Variants in RYR2 observed in about 807,000 individuals in gnomAD.
RYR2 encodes cardiac muscle ryanodine receptor-calcium release channel.
RYR2 carries 227 observed loss-of-function variants against 601.1 expected under a neutral mutation model. The observed-to-expected ratio is 0.38, with a 90% CI of 0.34 to 0.42. The LOEUF (loss-of-function observed/expected upper bound fraction) is 0.42, where lower values mean the gene tolerates loss of function less well. RYR2 is among the 10% of genes least tolerant of loss of function. The pLI is 1.00. For missense variants in RYR2, 4,646 were observed against 6,156.5 expected, an observed-to-expected ratio of 0.75 and a Z score of 8.21; for synonymous variants, 2,223 against 2,175.1, an observed-to-expected ratio of 1.02 and a Z score of -0.61.
intron 17 of RYR2, 60 bp from the exon 18 acceptor site, chr1:237,491,746 T>C (rs1663367059): frequency 1.3e-6 from 1 of 781,034 alleles, no homozygotes; most frequent in Non-Finnish European, 2.2e-6. Context: ...AGGAAGACAC[T>C]GGTCATTGTA....
intron 10 of RYR2, among the ~76,000 whole-genome samples, chr1:237,399,607 C>G (rs771072857): frequency 6.6e-6 from 1 of 152,214 alleles, no homozygotes; most frequent in Admixed American, 6.5e-5. Flanking sequence ...CAATCAAGTT[C>G]GCAAGTGCAC....
At chr1:237,199,571 G>A (rs1352583708) in intron 1 of RYR2, among the ~76,000 whole-genome samples, 1 of 152,192 alleles carries the variant, frequency 6.6e-6, no homozygotes, top group African/African-American at 2.4e-5. Flanking sequence ...CACCCGGATT[G>A]AGGATGGGTC....
chr1:237,252,405 T>G (rs1186959355), intron 1 of RYR2, among the ~76,000 whole-genome samples: 1 of 151,924 alleles, frequency 6.6e-6, no homozygotes, highest in African/African-American at 2.4e-5. Context: ...ATCAGAGAGG[T>G]CATTTACGAC....
At chr1:237,515,634 C>CTT (rs1666347524) in intron 24 of RYR2, among the ~76,000 whole-genome samples, 1 of 135,204 alleles carries the variant, frequency 7.4e-6, no homozygotes, top group Non-Finnish European at 1.6e-5. Context: ...TCCCCTCCCT[C>CTT]CATCACCCAC....
chr1:237,713,349 A>G (rs1688992864), intron 71 of RYR2, among the ~76,000 whole-genome samples: 1 of 152,004 alleles, frequency 6.6e-6, no homozygotes, highest in South Asian at 2.1e-4. Context: ...AACATTTCTG[A>G]CCCACAAATT....
At chr1:237,358,684 G>C (rs1699512347) in intron 4 of RYR2, among the ~76,000 whole-genome samples, 1 of 151,894 alleles carries the variant, frequency 6.6e-6, no homozygotes, top group African/African-American at 2.4e-5. Flanking sequence ...GCCCCCATTT[G>C]CTTGTTGGCA....
intron 29 of RYR2, 98 bp downstream of exon 29, chr1:237,569,417 G>GAA: frequency 8.8e-7 from 1 of 1,130,672 alleles, no homozygotes; most frequent in Non-Finnish European, 1.3e-6. Flanking sequence ...CAGGGTGAGT[G>GAA]AGCAGATGAG....
At chr1:237,051,369 C>T (rs573827692) in intron 1 of RYR2, among the ~76,000 whole-genome samples, 28 of 144,430 alleles carry the variant, frequency 1.9e-4, no homozygotes, top group Admixed American at 1.5e-3. Flanking sequence ...CTTCTCTCCT[C>T]GGGGCTCATG....
intron 2 of RYR2, among the ~76,000 whole-genome samples, chr1:237,275,501 TA>T: frequency 6.6e-6 from 1 of 152,042 alleles, no homozygotes; most frequent in East Asian, 1.9e-4. Context: ...ATTTTTTTTT[TA>T]TCATGCCAAA....
intron 2 of RYR2, among the ~76,000 whole-genome samples, chr1:237,281,429 C>T (rs1690857662): frequency 6.6e-6 from 1 of 151,230 alleles, no homozygotes; most frequent in South Asian, 2.1e-4. Context: ...CTTAGGAAAA[C>T]ACTGATGTCT....
chr1:237,399,761 G>A (rs1403985330), intron 10 of RYR2, among the ~76,000 whole-genome samples: 1 of 152,086 alleles, frequency 6.6e-6, no homozygotes, highest in Non-Finnish European at 1.5e-5. Flanking sequence ...TAGTGGGGGA[G>A]GGGAGGGGAG....
chr1:237,238,582 T>G (rs1378299774), intron 1 of RYR2, among the ~76,000 whole-genome samples: 1 of 152,200 alleles, frequency 6.6e-6, no homozygotes, highest in Admixed American at 6.5e-5. Flanking sequence ...AAAGCACTGA[T>G]AATCTTAACA....
At chr1:237,471,688 G>A (rs1292910900) in intron 17 of RYR2, among the ~76,000 whole-genome samples, 10 of 151,132 alleles carry the variant, frequency 6.6e-5, no homozygotes, top group Admixed American at 6.6e-4. Context: ...ACCAAGTACA[G>A]TCCAGTGTTT....
intron 83 of RYR2, 75 bp downstream of exon 83, chr1:237,759,927 C>A: frequency 3.4e-6 from 3 of 878,172 alleles, no homozygotes; most frequent in South Asian, 1.5e-5. Context: ...CTTACTCTGA[C>A]GATAATTGCA....
chr1:237,188,660 GGT>G (rs1679633221), intron 1 of RYR2, among the ~76,000 whole-genome samples: 1 of 152,030 alleles, frequency 6.6e-6, no homozygotes, highest in African/African-American at 2.4e-5. Flanking sequence ...CTACCTCCCA[GGT>G]TCAAGCGATT....
At chr1:237,726,741 T>G (rs2149140788) in intron 75 of RYR2, among the ~76,000 whole-genome samples, 1 of 152,084 alleles carries the variant, frequency 6.6e-6, no homozygotes, top group South Asian at 2.1e-4. Flanking sequence ...CAAAGAAAAT[T>G]TTGAGAAGGA....
At chr1:237,457,370 C>T (rs1021144904) in intron 16 of RYR2, among the ~76,000 whole-genome samples, 7 of 152,136 alleles carry the variant, frequency 4.6e-5, no homozygotes, top group African/African-American at 1.7e-4. Flanking sequence ...AAACACAGCT[C>T]CTCATTATTT....
At chr1:237,822,641 C>T (rs1021644621) in intron 101 of RYR2, among the ~76,000 whole-genome samples, 8 of 152,192 alleles carry the variant, frequency 5.3e-5, no homozygotes, top group Non-Finnish European at 7.3e-5. Context: ...GAATAACCAG[C>T]TGGCATCATA....
chr1:237,784,120 C>CG lies in RYR2; in HGVS notation c.12409dup (p.Glu4137GlyfsTer15). The CG allele has an allele frequency of 6.2e-7, 1 of 1,613,962 alleles. No homozygotes were observed. The highest frequency in any genetic ancestry group is 8.5e-7 in the Non-Finnish European group (1 of 1,179,884). The stretch of plus-strand genomic sequence containing the variant: ...ATTTCCAGCCCTTTCTGGGCCGCAT[C>CG]GAAATCATGGGAAGCGCCAAACGCA... On this transcript the variant is annotated frameshift_variant, in exon 90 of 105. Transcript: ENST00000366574. LOFTEE classifies it high-confidence loss of function. The surrounding 1 kb of genome is among the most constrained non-coding windows in gnomAD (Gnocchi z 7.1).
Sources: allele counts gnomAD v4.1 joint callset (sites outside exome capture counted in the v4.1 genomes callset), GRCh38; gene constraint gnomAD v4.1.1; non-coding constraint Gnocchi (gnomAD v3.1); transcripts MANE v1.5; gene names NCBI Gene and HGNC (gene_info 2026-07-23, HGNC 2026-07-21).